Variants in TCHP observed in about 807,000 individuals in gnomAD.
TCHP encodes trichoplein keratin filament binding, also known as trichoplein keratin filament-binding protein.
TCHP carries 81 observed loss-of-function variants against 88.7 expected under a neutral mutation model. That is an observed-to-expected ratio of 0.91 (90% CI 0.76 to 1.10). TCHP has a LOEUF of 1.10. TCHP is among the 50% of genes least tolerant of loss of function. The probability of loss-of-function intolerance (pLI) is 0.00; values close to 1 mark genes in which losing one functional copy is unlikely to be tolerated. For missense variants in TCHP, 641 were observed against 632.1 expected, an observed-to-expected ratio of 1.01 and a Z score of -0.15; for synonymous variants, 232 against 232.5, an observed-to-expected ratio of 1.00 and a Z score of 0.02.
Position 109,903,297 on chromosome 12 carries a change from G to A in TCHP, c.188+83G>A, listed in dbSNP as rs983175130. 23 of 1,344,618 alleles carry A rather than the reference G, an allele frequency of 1.7e-5. No individual in the cohort carries two copies. The highest frequency in any genetic ancestry group is 8.6e-5 in the African/African-American group (6 of 69,456). 83.3% of individuals were successfully genotyped at this position (1,344,618 alleles called of 1,614,324 possible). A position where few individuals can be genotyped will look rare whatever the true frequency, so the allele number is the denominator to read the frequency against. Reference sequence around the variant, plus strand: ...ATGAGGCCTTAAGGATTTAGGGAGCGTAGGATTTGCCAGGCAGTATGAATT... The same window carrying A: ...ATGAGGCCTTAAGGATTTAGGGAGCATAGGATTTGCCAGGCAGTATGAATT... On this transcript the variant is annotated intron_variant, in intron 2 of 12. Coordinates refer to ENST00000405876, the MANE Select transcript of TCHP (RefSeq NM_001143852.2). The surrounding 1 kb of genome is among the most constrained non-coding windows in gnomAD (Gnocchi z 4.6).
chr12:109,888,290 C>CGA, the TCHP span: 1 of 152,228 alleles, frequency 6.6e-6, no homozygotes, highest in East Asian at 1.9e-4. Context: ...ATCAGTTTCT[C>CGA]CCCTTAGCTT....
chr12:109,898,509 C>T (rs1247315023), upstream of TCHP, among the ~76,000 whole-genome samples: 1 of 152,036 alleles, frequency 6.6e-6, no homozygotes, highest in Non-Finnish European at 1.5e-5. Context: ...CAGGCCCGGC[C>T]TGAAAGTTGC....
chr12:109,898,655 TCTCA>T (rs1161630205), upstream of TCHP, among the ~76,000 whole-genome samples: 3 of 152,252 alleles, frequency 2.0e-5, no homozygotes, highest in East Asian at 5.8e-4. Context: ...TGAGACAGGG[TCTCA>T]CTCTGTCACT....
chr12:109,890,745 G>C, the TCHP span, among the ~76,000 whole-genome samples: 1 of 152,130 alleles, frequency 6.6e-6, no homozygotes, highest in Non-Finnish European at 1.5e-5. Context: ...CCTGACCTCA[G>C]GTGATCCACC....
the TCHP span, among the ~76,000 whole-genome samples, chr12:109,885,768 A>C: frequency 6.7e-6 from 1 of 148,402 alleles, no homozygotes. Context: ...AGCGTGAGAC[A>C]CCGCACCCCG....
intron 1 of TCHP, chr12:109,900,898 C>G (rs1869750180): frequency 6.6e-6 from 1 of 152,276 alleles, no homozygotes. Context: ...GCGTTCCTAC[C>G]CAGGCACTGC....
the TCHP span, among the ~76,000 whole-genome samples, chr12:109,885,395 C>A: frequency 6.6e-6 from 1 of 151,840 alleles, no homozygotes; most frequent in African/African-American, 2.4e-5. Context: ...CAAACTATCA[C>A]AGAAGTGATG....
chr12:109,913,080 C>T lies in TCHP; in HGVS notation c.1134+8C>T. 8 of 1,613,632 alleles carry T rather than the reference C, an allele frequency of 5.0e-6. No individual in the cohort carries two copies. Among genetic ancestry groups the T allele is most frequent in the Non-Finnish European group, 5.9e-6 (7 of 1,179,930 alleles). ...GACAGACTGATGAGCGAGGTAATCC[C>T]AGCTGCGGCGATGTGGACCGGCTGT... On this transcript the variant is annotated splice_region_variant and intron_variant, in intron 10 of 12. Transcript: ENST00000405876.
At chr12:109,895,593 C>T (rs1869538854), upstream of TCHP, among the ~76,000 whole-genome samples, 1 of 151,994 alleles carries the variant, frequency 6.6e-6, no homozygotes, top group Non-Finnish European at 1.5e-5. Context: ...TTTGAGCCCA[C>T]CTGTCTACTT....
chr12:109,902,525 G>T (rs1276417875), intron 1 of TCHP, among the ~76,000 whole-genome samples: 1 of 152,066 alleles, frequency 6.6e-6, no homozygotes, highest in Non-Finnish European at 1.5e-5. Flanking sequence ...CTAGGCTGGA[G>T]TGCAGTGGGA....
chr12:109,906,044 T>C (rs1266716132), intron 4 of TCHP, among the ~76,000 whole-genome samples: 1 of 152,230 alleles, frequency 6.6e-6, no homozygotes, highest in Non-Finnish European at 1.5e-5. Flanking sequence ...GGATTGAATG[T>C]TGTGATCCAT....
Position 109,905,065 on chromosome 12 carries a change from CAT to C in TCHP, c.456+273_456+274del, listed in dbSNP as rs1870052816. The C allele has an allele frequency of 2.2e-6, 1 of 457,152 alleles. No individual in the cohort carries two copies. The highest frequency in any genetic ancestry group is 2.0e-5 in the African/African-American group (1 of 50,642). 28.3% of individuals were successfully genotyped at this position (457,152 alleles called of 1,614,324 possible). On this transcript the variant is annotated intron_variant, in intron 4 of 12. Transcript: ENST00000405876. The surrounding 1 kb of genome is among the most constrained non-coding windows in gnomAD (Gnocchi z 4.0). The stretch of plus-strand genomic sequence containing the variant: ...TTTCTGCTCATTAGCTTGTGTCCAG[CAT>C]GGGAGCTCATTACAGGGCAGGATGC...
the TCHP span, among the ~76,000 whole-genome samples, chr12:109,881,021 C>G: frequency 6.6e-6 from 1 of 152,232 alleles, no homozygotes; most frequent in Non-Finnish European, 1.5e-5. Flanking sequence ...TTGAACACTG[C>G]TGAAGTCACA....
At chr12:109,910,635 C>T (rs1216353582) in intron 8 of TCHP, among the ~76,000 whole-genome samples, 1 of 152,208 alleles carries the variant, frequency 6.6e-6, no homozygotes, top group African/African-American at 2.4e-5. Flanking sequence ...TGTTGATGTA[C>T]ATAGTAGCTA....
Position 109,911,140 on chromosome 12 carries a change from G to A in TCHP, c.957G>A (p.Glu319=), listed in dbSNP as rs1027412711. The A allele has an allele frequency of 1.3e-5, 21 of 1,597,360 alleles. No homozygotes were observed. The highest frequency in any genetic ancestry group is 1.7e-5 in the Admixed American group (1 of 57,320). ...AGCGCCTCCACCTGGCCAGGCGGGA[G>A]CAGGTCATGGCCGATGTGGCCTGGA... ...ESQRLHLARR[E]QVMADVAWMK... is the part of the protein sequence containing the mutation. The change falls in exon 9 of 13, where the codon GAG becomes GAA. Residue 319 remains glutamate (E), a synonymous_variant. Coordinates refer to ENST00000405876, the MANE Select transcript of TCHP (RefSeq NM_001143852.2).
Position 109,908,967 on chromosome 12 carries a change from T to C in TCHP, c.879+30T>C. ...GTCTGAAGAGACAGCCTGACATCTTTCTTAGCCTCTTTTGTAAAAAAGGCC... is the reference window on the plus strand; with the variant it reads ...GTCTGAAGAGACAGCCTGACATCTTCCTTAGCCTCTTTTGTAAAAAAGGCC... On this transcript the variant is annotated intron_variant, in intron 8 of 12. Coordinates refer to ENST00000405876, the MANE Select transcript of TCHP (RefSeq NM_001143852.2). 2.5e-6 allele frequency: 4 copies of C among 1,610,668 alleles called. No individual in the cohort carries two copies. In the South Asian group the frequency reaches 4.4e-5, roughly 18 times the overall value.
intron 8 of TCHP, 71 bp downstream of exon 8, chr12:109,909,008 T>C: frequency 7.2e-7 from 1 of 1,396,502 alleles, no homozygotes; most frequent in Non-Finnish European, 1.0e-6. Flanking sequence ...TTGCTTAGTA[T>C]ATGAGTGCAT....
At chr12:109,894,081 A>G in the TCHP span, among the ~76,000 whole-genome samples, 2 of 152,046 alleles carry the variant, frequency 1.3e-5, no homozygotes, top group Admixed American at 1.3e-4. Flanking sequence ...CTACTCAGGG[A>G]GGCTGAAGCA....
chr12:109,902,019 C>T (rs928033842), intron 1 of TCHP, among the ~76,000 whole-genome samples: 4 of 152,200 alleles, frequency 2.6e-5, no homozygotes, highest in Non-Finnish European at 5.9e-5. Flanking sequence ...GTGCTTGGCA[C>T]ATACATGTGT....
Sources: gnomAD v4.1 joint callset for allele counts (sites outside exome capture counted in the v4.1 genomes callset) on GRCh38, gnomAD v4.1.1 for gene constraint, Gnocchi (gnomAD v3.1) non-coding constraint, MANE v1.5 for transcripts, NCBI Gene and HGNC (gene_info 2026-07-23, HGNC 2026-07-21) for gene names.